The following USP39 variants were observed in gnomAD, a reference collection of about 807,000 sequenced individuals.
USP39 encodes ubiquitin carboxyl-terminal hydrolase 39.
Under a neutral mutation model 66.4 loss-of-function variants are expected in USP39, and 38 were observed. That is an observed-to-expected ratio of 0.57 (90% CI 0.44 to 0.75). USP39 has a LOEUF of 0.75. Among genes scored for constraint, USP39 ranks in the 30% least tolerant of loss-of-function variants. The pLI is 0.00. For missense variants in USP39, 608 were observed against 714.4 expected (o/e 0.85, Z 1.70); for synonymous variants, 303 against 274.6 (o/e 1.10, Z -1.02).
intron 10 of USP39, among the ~76,000 whole-genome samples, chr2:85,644,118 T>G (rs908092972): frequency 6.6e-6 from 1 of 152,224 alleles, no homozygotes; most frequent in South Asian, 2.1e-4. Flanking sequence ...CATTTTAAAC[T>G]CTGTAATTTT....
intron 1 of USP39, among the ~76,000 whole-genome samples, chr2:85,605,460 T>C (rs1000106784): frequency 2.0e-5 from 3 of 152,170 alleles, no homozygotes; most frequent in African/African-American, 7.2e-5. Context: ...AGCCCTTTAC[T>C]CAGAAGGTCT....
upstream of USP39, chr2:85,607,826 C>T (rs2104139113): frequency 6.6e-6 from 1 of 152,296 alleles, no homozygotes; most frequent in Non-Finnish European, 1.5e-5. Flanking sequence ...GGGAGGATGT[C>T]TTGTGGAATT....
At chr2:85,624,517 T>A (rs936150356) in intron 4 of USP39, among the ~76,000 whole-genome samples, 1 of 152,186 alleles carries the variant, frequency 6.6e-6, no homozygotes, top group African/African-American at 2.4e-5. Context: ...GATACATTTT[T>A]AAAATTTTTT....
upstream of USP39, chr2:85,609,663 A>T: frequency 6.4e-7 from 1 of 1,554,422 alleles, no homozygotes; most frequent in East Asian, 2.3e-5. Flanking sequence ...GCTGCAGGAA[A>T]ATATACGGTT....
intron 5 of USP39, among the ~76,000 whole-genome samples, chr2:85,630,163 T>C (rs999040952): frequency 3.3e-5 from 5 of 151,956 alleles, no homozygotes; most frequent in Non-Finnish European, 7.4e-5. Flanking sequence ...GTATTGTTCT[T>C]ACACCTTTGC....
chr2:85,631,728 T>C (rs981559894), intron 6 of USP39, among the ~76,000 whole-genome samples: 1 of 151,966 alleles, frequency 6.6e-6, no homozygotes, highest in African/African-American at 2.4e-5. Context: ...ATTCTGATGA[T>C]ATTTTTGTTT....
At chr2:85,626,892 A>G (rs12463933) in intron 5 of USP39, among the ~76,000 whole-genome samples, 39,497 of 151,502 alleles carry the variant, frequency 0.26, 5,566 homozygotes, top group Middle Eastern at 0.33. Context: ...TAAGTTTTGT[A>G]GAGACAGGGT....
At chr2:85,640,863 C>A in intron 9 of USP39, 113 bp from the exon 10 acceptor site, 3 of 806,330 alleles carry the variant, frequency 3.7e-6, no homozygotes, top group Non-Finnish European at 5.3e-6. Flanking sequence ...GTCTTGTGAA[C>A]TTAAGTGTGA....
At chr2:85,622,975 A>C (rs1411378070) in intron 3 of USP39, among the ~76,000 whole-genome samples, 1 of 152,226 alleles carries the variant, frequency 6.6e-6, no homozygotes, top group African/African-American at 2.4e-5. Context: ...TTAGATCATA[A>C]AGATTACTGC....
chr2:85,616,346 A>C lies in USP39; in HGVS notation c.151A>C (p.Lys51Gln). The C allele has an allele frequency of 6.2e-7, 1 of 1,602,040 alleles. No homozygotes were observed. The highest frequency in any genetic ancestry group is 1.1e-5 in the South Asian group (1 of 89,520). Reference protein sequence around the residue: ...ASSRGSPVRVKREFEPASARE... With the variant: ...ASSRGSPVRVQREFEPASARE... The stretch of plus-strand genomic sequence containing the variant: ...CTCCCGGGGCAGCCCTGTGCGCGTG[A>C]AGCGGGAGTTCGAGCCGGCGAGCGC... The change falls in exon 1 of 13, where the codon AAG becomes CAG. Residue 51 changes from lysine (K) to glutamine (Q), a missense_variant. This residue lies in a region of USP39 where 207 missense variants were observed against 145.7 expected (regional missense o/e 1.42). Transcript: ENST00000323701.
upstream of USP39, chr2:85,609,133 C>T (rs758761543): frequency 1.9e-6 from 3 of 1,582,712 alleles, no homozygotes; most frequent in Non-Finnish European, 2.6e-6. Context: ...CTGCCCTGTC[C>T]CTAAACACTC....
intron 6 of USP39, among the ~76,000 whole-genome samples, chr2:85,632,646 C>T (rs1675444648): frequency 6.6e-6 from 1 of 151,980 alleles, no homozygotes; most frequent in South Asian, 2.1e-4. Context: ...GACAGGGTTT[C>T]ATCGTGTTAG....
intron 5 of USP39, among the ~76,000 whole-genome samples, chr2:85,629,916 C>G (rs140871246): frequency 4.6e-5 from 7 of 151,902 alleles, no homozygotes; most frequent in Non-Finnish European, 5.9e-5. Context: ...GAGCCAAGAT[C>G]GTGCCACTGC....
upstream of USP39, chr2:85,608,839 G>C: frequency 6.7e-7 from 1 of 1,490,492 alleles, no homozygotes; most frequent in Middle Eastern, 1.9e-4. Context: ...AGCTCTGGGG[G>C]TCTCAAGATC....
At chr2:85,625,732 C>A (rs748149664) in intron 5 of USP39, 41 bp downstream of exon 5, 1 of 1,600,140 alleles carries the variant, frequency 6.2e-7, no homozygotes, top group African/African-American at 1.3e-5. Context: ...GAAGGACACC[C>A]AGAAGGCTGA....
At chr2:85,641,908 A>T (rs1459412253) in intron 10 of USP39, among the ~76,000 whole-genome samples, 4 of 91,500 alleles carry the variant, frequency 4.4e-5, no homozygotes, top group African/African-American at 2.4e-4. Context: ...TGACTGTGCT[A>T]AAAAAAAAAA....
At chr2:85,612,064 C>A, upstream of USP39, 1 of 1,136,244 alleles carries the variant, frequency 8.8e-7, no homozygotes, top group Non-Finnish European at 1.2e-6. Flanking sequence ...CGCGCCGCCC[C>A]TTGCTCAGCT....
intron 1 of USP39, among the ~76,000 whole-genome samples, chr2:85,617,499 G>A (rs1174873938): frequency 6.6e-6 from 1 of 152,098 alleles, no homozygotes; most frequent in Admixed American, 6.6e-5. Flanking sequence ...AGATAGAAAT[G>A]GTGTCTCCCT....
upstream of USP39, chr2:85,616,087 G>A (rs150541416): frequency 1.0e-3 from 1,347 of 1,311,974 alleles, 4 homozygotes; most frequent in South Asian, 7.3e-3. Flanking sequence ...CCCCAGTGGC[G>A]ACTCGTAGAG....
Sources: allele counts gnomAD v4.1 joint callset (sites outside exome capture counted in the v4.1 genomes callset), GRCh38; gene constraint gnomAD v4.1.1; regional missense constraint gnomAD v4.1.1; transcripts MANE v1.5; gene names NCBI Gene and HGNC (gene_info 2026-07-23, HGNC 2026-07-21).